The following PRKCH variants were observed in gnomAD, a reference collection of about 807,000 sequenced individuals.
PRKCH encodes protein kinase C eta type.
PRKCH carries 28 observed loss-of-function variants against 82.5 expected under a neutral mutation model. The observed-to-expected ratio is 0.34, with a 90% CI of 0.25 to 0.47. PRKCH has a LOEUF of 0.47. Ranked by LOEUF, PRKCH falls within the 20% of genes least tolerant of loss-of-function variation. The pLI is 1.00. For missense variants in PRKCH, 705 were observed against 881.8 expected, an observed-to-expected ratio of 0.80 and a Z score of 2.54; for synonymous variants, 322 against 327.4, an observed-to-expected ratio of 0.98 and a Z score of 0.18.
At chr14:61,520,028 C>G (rs2042882657) in intron 10 of PRKCH, among the ~76,000 whole-genome samples, 1 of 150,914 alleles carries the variant, frequency 6.6e-6, no homozygotes, top group South Asian at 2.1e-4. Flanking sequence ...GGTCCTTTTC[C>G]CTGCACATCT....
intron 12 of PRKCH, among the ~76,000 whole-genome samples, chr14:61,540,860 G>T (rs1001870827): frequency 6.6e-6 from 1 of 152,114 alleles, no homozygotes; most frequent in Non-Finnish European, 1.5e-5. Context: ...CTCTTGGCTC[G>T]TCCAGTATTC....
intron 1 of PRKCH, among the ~76,000 whole-genome samples, chr14:61,246,607 C>T (rs1001252449): frequency 1.1e-4 from 16 of 152,076 alleles, no homozygotes; most frequent in Admixed American, 4.6e-4. Flanking sequence ...AAACCCTGCC[C>T]TGGCTCCCCA....
intron 1 of PRKCH, among the ~76,000 whole-genome samples, chr14:61,257,932 T>C (rs573535954): frequency 4.6e-5 from 7 of 152,200 alleles, no homozygotes; most frequent in African/African-American, 1.7e-4. Flanking sequence ...TTCAAAGAGA[T>C]TGAGTTCCAC....
chr14:61,419,954 G>A (rs1201011901), intron 2 of PRKCH, among the ~76,000 whole-genome samples: 1 of 152,178 alleles, frequency 6.6e-6, no homozygotes, highest in Non-Finnish European at 1.5e-5. Flanking sequence ...CCAGTTGAAG[G>A]CCTGTGACTG....
intron 1 of PRKCH, among the ~76,000 whole-genome samples, chr14:61,217,356 G>C (rs1444593319): frequency 2.0e-5 from 3 of 152,098 alleles, no homozygotes; most frequent in African/African-American, 7.2e-5. Context: ...AGGCTGCAGT[G>C]AGCCATGTTC....
rs547075981 is a variant in PRKCH at position 61,220,311 on chromosome 14, G to A, written c.-19+32643G>A. ...AGAGGGGAACTTTTTTGATCACCTC[G>A]GCCAGAGCTATAGCTATTGGACAAA... On this transcript the variant is annotated intron_variant, in intron 1 of 3. Coordinates refer to the PRKCH transcript ENST00000555185. Among the ~76,000 whole-genome samples the A allele has an allele frequency of 7.9e-5, 12 of 152,202 alleles. No homozygotes were observed. The South Asian group carries it at 1.7e-3, about 21-fold the overall frequency.
chr14:61,414,076 GT>G lies in PRKCH; in HGVS notation c.427+22791del, dbSNP rs565729407. On this transcript the variant is annotated intron_variant, in intron 2 of 13. Coordinates refer to ENST00000332981, the MANE Select transcript of PRKCH (RefSeq NM_006255.5). ...TTGGGCTTCTCTACCACCCTCTGCA[GT>G]TTGTATCCTTGGGGGATCCATCTTC... Among the ~76,000 whole-genome samples, 18 of 152,076 alleles carry G rather than the reference GT, an allele frequency of 1.2e-4. No individual in the cohort carries two copies. In the South Asian group the frequency reaches 3.7e-3, roughly 32 times the overall value.
intron 6 of PRKCH, among the ~76,000 whole-genome samples, chr14:61,452,067 G>A (rs1403867442): frequency 1.3e-5 from 2 of 152,140 alleles, no homozygotes; most frequent in African/African-American, 2.4e-5. Context: ...TTGCTGATGC[G>A]CAGAGCCATG....
chr14:61,386,510 T>C (rs1289049576), intron 1 of PRKCH, among the ~76,000 whole-genome samples: 5 of 151,938 alleles, frequency 3.3e-5, no homozygotes, highest in Non-Finnish European at 7.4e-5. Context: ...CTGAGAGCGA[T>C]TCAATGTACC....
chr14:61,459,581 G>C (rs1019400528), intron 9 of PRKCH, among the ~76,000 whole-genome samples: 1 of 152,174 alleles, frequency 6.6e-6, no homozygotes, highest in Non-Finnish European at 1.5e-5. Context: ...GGAAAGTCAT[G>C]GAAGAAGTGG....
intron 10 of PRKCH, among the ~76,000 whole-genome samples, chr14:61,489,799 G>A (rs886145963): frequency 6.6e-6 from 1 of 152,202 alleles, no homozygotes; most frequent in African/African-American, 2.4e-5. Context: ...AAAAGTAAGG[G>A]AAACAAAGGG....
In PRKCH at chr14:61,344,716, C is replaced by G. The variant is rs78765744; in HGVS notation, c.363+22252C>G. Among the ~76,000 whole-genome samples the G allele has an allele frequency of 2.7e-3, 409 of 152,184 alleles. 2 individuals are homozygous for G. The highest frequency in any genetic ancestry group is 9.4e-3 in the African/African-American group (389 of 41,500). On this transcript the variant is annotated intron_variant, in intron 1 of 13. Transcript: ENST00000332981. Reference sequence around the variant, plus strand: ...GAGTGGTCCCTTGCACTGATGAATCCTGACCCTGCTGATCTTTGCTTGGGT... The same window carrying G: ...GAGTGGTCCCTTGCACTGATGAATCGTGACCCTGCTGATCTTTGCTTGGGT...
chr14:61,440,086 T>C (rs978385829), intron 2 of PRKCH, among the ~76,000 whole-genome samples: 3 of 152,228 alleles, frequency 2.0e-5, no homozygotes, highest in Non-Finnish European at 4.4e-5. Flanking sequence ...AGTTTTGCTT[T>C]GGCCGGTATT....
chr14:61,498,802 A>G (rs562384212), intron 10 of PRKCH, among the ~76,000 whole-genome samples: 1 of 152,290 alleles, frequency 6.6e-6, no homozygotes, highest in South Asian at 2.1e-4. Flanking sequence ...TCCAAATGCT[A>G]TCACATTAGA....
intron 1 of PRKCH, among the ~76,000 whole-genome samples, chr14:61,220,407 A>AT (rs1404985510): frequency 6.6e-6 from 1 of 152,234 alleles, no homozygotes; most frequent in Non-Finnish European, 1.5e-5. Context: ...ATCATCCCTC[A>AT]TGCTAGTTAG....
chr14:61,439,040 C>T (rs1035535728), intron 2 of PRKCH, among the ~76,000 whole-genome samples: 1 of 152,168 alleles, frequency 6.6e-6, no homozygotes, highest in African/African-American at 2.4e-5. Context: ...AGCCATTGGG[C>T]ACCTAAGGAG....
At chr14:61,214,286 G>A (rs1490307584) in intron 1 of PRKCH, among the ~76,000 whole-genome samples, 3 of 152,192 alleles carry the variant, frequency 2.0e-5, no homozygotes, top group African/African-American at 7.2e-5. Context: ...GAGTTAGGTG[G>A]GGAGGGAGTG....
chr14:61,507,524 A>T (rs534699825), intron 10 of PRKCH, among the ~76,000 whole-genome samples: 1 of 152,344 alleles, frequency 6.6e-6, no homozygotes, highest in South Asian at 2.1e-4. Context: ...AAAATATGGA[A>T]ACAATCTAAA....
At chr14:61,195,331 A>G (rs531063820) in intron 1 of PRKCH, among the ~76,000 whole-genome samples, 2 of 151,324 alleles carry the variant, frequency 1.3e-5, no homozygotes, top group South Asian at 4.2e-4. Context: ...TACCATAATT[A>G]TGATAAGTTT....
Sources: gnomAD v4.1 joint callset for allele counts (sites outside exome capture counted in the v4.1 genomes callset) on GRCh38, gnomAD v4.1.1 for gene constraint, MANE v1.5 for transcripts, NCBI Gene and HGNC (gene_info 2026-07-23, HGNC 2026-07-21) for gene names.